Variants in NPRL3 observed in about 807,000 individuals in gnomAD.
NPRL3 encodes the protein GATOR1 complex protein NPRL3.
NPRL3 carries 23 observed loss-of-function variants against 57.2 expected under a neutral mutation model. The ratio of observed to expected loss-of-function variants is 0.40; its 90% CI spans 0.29 to 0.57. The LOEUF (loss-of-function observed/expected upper bound fraction) is 0.57, where lower values mean the gene tolerates loss of function less well. Among genes scored for constraint, NPRL3 ranks in the 20% least tolerant of loss-of-function variants. The pLI, the probability that NPRL3 is intolerant of heterozygous loss-of-function variation, is 0.42. For synonymous variants in NPRL3, 333 were observed against 321.1 expected (o/e 1.04, Z -0.39); for missense variants, 691 against 767.1 (o/e 0.90, Z 1.17).
chr16:123,572 C>A (rs1281086061), intron 3 of NPRL3: 1 of 469,812 alleles, frequency 2.1e-6, no homozygotes, highest in Non-Finnish European at 4.4e-6. Context: ...ACCATCAAGA[C>A]CAAACAAAAA....
chr16:118,247 G>C (rs1286580489), intron 4 of NPRL3, among the ~76,000 whole-genome samples: 2 of 152,226 alleles, frequency 1.3e-5, no homozygotes, highest in Non-Finnish European at 2.9e-5. Flanking sequence ...CAGAATCTTA[G>C]TAATGCCATC....
intron 10 of NPRL3, 97 bp from the exon 11 acceptor site, chr16:92,822 G>A: frequency 1.3e-6 from 2 of 1,526,962 alleles, no homozygotes; most frequent in Non-Finnish European, 1.8e-6. Flanking sequence ...AGTGTGGCAG[G>A]TGGGTCAGGA....
chr16:90,101 G>C (rs1194406787), intron 11 of NPRL3, 199 bp from the exon 12 acceptor site: 3 of 555,680 alleles, frequency 5.4e-6, no homozygotes, highest in African/African-American at 2.0e-5. Context: ...GGAAGGGAGA[G>C]GGGCCAGGGG....
At chr16:96,839 T>C (rs953111353) in intron 9 of NPRL3, among the ~76,000 whole-genome samples, 3 of 151,862 alleles carry the variant, frequency 2.0e-5, no homozygotes, top group African/African-American at 7.3e-5. Flanking sequence ...TCACAGAGGA[T>C]AGATAAAGGG....
rs1240111226 is a variant in NPRL3, at chr16:86,579, C to G, written c.*126G>C. On this transcript the variant is annotated 3_prime_UTR_variant, in exon 14 of 14. Transcript: ENST00000611875. ...CAGGCTTCACTGGGCCACGGCCAGC[C>G]CGCATCCACCCAATGCCAGGCCTCA... The G allele has an allele frequency of 2.0e-6, 2 of 985,792 alleles. No homozygotes were observed. Among genetic ancestry groups the G allele is most frequent in the African/African-American group, 3.3e-5 (2 of 61,256 alleles). The allele number at this position is 985,792 out of a possible 1,614,324, so 61.1% of individuals were successfully genotyped here. A position where few individuals can be genotyped will look rare whatever the true frequency, so the allele number is the denominator to read the frequency against.
At chr16:134,835 G>A (rs1268492610) in intron 2 of NPRL3, among the ~76,000 whole-genome samples, 3 of 150,546 alleles carry the variant, frequency 2.0e-5, no homozygotes, top group African/African-American at 7.3e-5. Flanking sequence ...CCGAGTAGCT[G>A]GGACTACAGG....
chr16:85,658 G>A lies in NPRL3; in HGVS notation c.*1047C>T. On this transcript the variant is annotated 3_prime_UTR_variant, in exon 14 of 14. Coordinates refer to ENST00000611875, the MANE Select transcript of NPRL3 (RefSeq NM_001077350.3). The stretch of plus-strand genomic sequence containing the variant: ...CAGTGAGCCGGCTGTAGTGGCAGCA[G>A]CCCGGGTGGGCGTCGGCCATGCAGG... 6.3e-7 allele frequency: 1 copy of A among 1,584,916 alleles called. No homozygotes were observed. The highest frequency in any genetic ancestry group is 8.6e-7 in the Non-Finnish European group (1 of 1,161,452).
At position 97,410 on chromosome 16, in the gene NPRL3, ATT is replaced by A. The variant is rs34410203; in HGVS notation, c.924+733_924+734del. Among the ~76,000 whole-genome samples the A allele has an allele frequency of 5.6e-3, 642 of 115,074 alleles. 2 individuals carry two copies. The highest frequency in any genetic ancestry group is 0.018 in the African/African-American group (533 of 29,746). 75.5% of individuals were successfully genotyped at this position (115,074 alleles called of 152,430 possible). ...CAGGTGCACGCCACCACACCCAGCT[ATT>A]TTTTTTTTTTTTTTTTTTGTATTTT... On this transcript the variant is annotated intron_variant, in intron 9 of 13. Transcript: ENST00000611875.
In NPRL3 at chr16:130,607, AAG is replaced by A; in HGVS notation, c.119-18_119-17del. 6.4e-7 allele frequency: 1 copy of A among 1,552,408 alleles called. No homozygotes were observed. Among genetic ancestry groups the A allele is most frequent in the African/African-American group, 1.4e-5 (1 of 73,244 alleles). On this transcript the variant is annotated splice_polypyrimidine_tract_variant and intron_variant, in intron 2 of 13. Coordinates refer to ENST00000611875, the MANE Select transcript of NPRL3 (RefSeq NM_001077350.3). The stretch of plus-strand genomic sequence containing the variant: ...CGCGGCTTACCTGAGTCGGGGCGAA[AAG>A]AGGGGAAGGGCTAAGAAAACAGGGT...
Position 138,280 on chromosome 16 carries a change from C to T in NPRL3, c.-13G>A, listed in dbSNP as rs1901215059. 1 of 1,582,028 alleles carries T rather than the reference C, an allele frequency of 6.3e-7. No homozygotes were observed. Among genetic ancestry groups the T allele is most frequent in the African/African-American group, 1.4e-5 (1 of 73,274 alleles). On this transcript the variant is annotated 5_prime_UTR_variant, in exon 2 of 14. Coordinates refer to ENST00000611875, the MANE Select transcript of NPRL3 (RefSeq NM_001077350.3). ...TGTTGTCCCGCATCCCGCCGTGGGG[C>T]CGGGGCCGGGGGCGGAGGGGGCCAG...
rs536798948 is a variant in NPRL3 at position 100,708 on chromosome 16, G to T, written c.630-199C>A. Among the ~76,000 whole-genome samples, 1,217 of 68,330 alleles carry T rather than the reference G, an allele frequency of 0.018. 11 individuals carry two copies. Among genetic ancestry groups the T allele is most frequent in the African/African-American group, 0.029 (824 of 27,938 alleles). The allele number at this position is 68,330 out of a possible 152,430, so 44.8% of individuals were successfully genotyped here. ...ATGGGGGCCGGGCACGGTGGCTCAT[G>T]CCTGTAATCCCAGCACTTTGGGAGG... On this transcript the variant is annotated intron_variant, in intron 7 of 13. Coordinates refer to ENST00000611875, the MANE Select transcript of NPRL3 (RefSeq NM_001077350.3).
rs1259146348 is a variant in NPRL3 at position 100,780 on chromosome 16, T to C, written c.630-271A>G. ...GTCAGCAGTTCGAGACCAGCCTGGC[T>C]AATAACACGGTGAAACCCCGTCTCT... On this transcript the variant is annotated intron_variant, in intron 7 of 13. Transcript: ENST00000611875. Among the ~76,000 whole-genome samples the C allele has an allele frequency of 0.014, 23 of 1,628 alleles. No individual in the cohort carries two copies. The African/African-American group carries it at 0.15, about 11-fold the overall frequency. The allele number at this position is 1,628 out of a possible 152,430, so 1.1% of individuals were successfully genotyped here.
intron 5 of NPRL3, among the ~76,000 whole-genome samples, chr16:116,810 A>G (rs2141956673): frequency 9.6e-6 from 1 of 103,878 alleles, no homozygotes; most frequent in Middle Eastern, 5.6e-3. Flanking sequence ...ACCGATCTCT[A>G]CTAAAAATAC....
intron 6 of NPRL3, among the ~76,000 whole-genome samples, chr16:111,894 A>G (rs1459191245): frequency 6.6e-6 from 1 of 152,166 alleles, no homozygotes; most frequent in African/African-American, 2.4e-5. Flanking sequence ...CTCTTTTGTT[A>G]TAGAGGTGCT....
rs186666081 is a variant in NPRL3, at chr16:130,296, C to T, written c.188+226G>A. On this transcript the variant is annotated intron_variant, in intron 3 of 13. Coordinates refer to ENST00000611875, the MANE Select transcript of NPRL3 (RefSeq NM_001077350.3). ...CTCATCTGTGCTCTGACCTGCTTCA[C>T]CCACCAGACAAGCCTGAAGCTGGAA... 2.0e-5 allele frequency among the ~76,000 whole-genome samples: 3 copies of T among 152,326 alleles called. No individual in the cohort carries two copies. In the East Asian group the frequency reaches 5.8e-4, roughly 29 times the overall value.
In NPRL3 at chr16:85,773, C is replaced by A; in HGVS notation, c.*932G>T. ...AGAGTGGCTGAGCAGGACACACAGGCCTGAGCAAAGGGCCTGCCCAGACAA... is the reference window on the plus strand; with the variant it reads ...AGAGTGGCTGAGCAGGACACACAGGACTGAGCAAAGGGCCTGCCCAGACAA... On this transcript the variant is annotated 3_prime_UTR_variant, in exon 14 of 14. Coordinates refer to ENST00000611875, the MANE Select transcript of NPRL3 (RefSeq NM_001077350.3). 6.7e-7 allele frequency: 1 copy of A among 1,497,504 alleles called. No homozygotes were observed. The highest frequency in any genetic ancestry group is 8.9e-7 in the Non-Finnish European group (1 of 1,122,414). The allele number at this position is 1,497,504 out of a possible 1,614,324, so 92.8% of individuals were successfully genotyped here. A position where few individuals can be genotyped will look rare whatever the true frequency, so the allele number is the denominator to read the frequency against.
chr16:135,467 G>C (rs1901027115), intron 2 of NPRL3, among the ~76,000 whole-genome samples: 1 of 152,058 alleles, frequency 6.6e-6, no homozygotes, highest in Non-Finnish European at 1.5e-5. Context: ...AAATTAGCCA[G>C]GCGTGGTGGC....
intron 3 of NPRL3, chr16:127,341 C>T (rs1424330691): frequency 1.3e-5 from 2 of 150,378 alleles, no homozygotes; most frequent in Non-Finnish European, 2.9e-5. Context: ...GCTCCATGTC[C>T]TGGGCTCCCT....
rs2299668 is a variant in NPRL3 at position 100,744 on chromosome 16, C to T, written c.630-235G>A. Among the ~76,000 whole-genome samples the T allele has an allele frequency of 0.86, 127,023 of 147,696 alleles. 54,673 individuals carry two copies. The highest frequency in any genetic ancestry group is 0.9 in the Admixed American group (13,247 of 14,776). On this transcript the variant is annotated intron_variant, in intron 7 of 13. Coordinates refer to ENST00000611875, the MANE Select transcript of NPRL3 (RefSeq NM_001077350.3). Reference sequence around the variant, plus strand: ...CAGCACTTTGGGAGGCCAAGGTGGGCGGATCACGAGGTCAGCAGTTCGAGA... The same window carrying T: ...CAGCACTTTGGGAGGCCAAGGTGGGTGGATCACGAGGTCAGCAGTTCGAGA...
Sources: allele counts gnomAD v4.1 joint callset (sites outside exome capture counted in the v4.1 genomes callset), GRCh38; gene constraint gnomAD v4.1.1; transcripts MANE v1.5; gene names NCBI Gene and HGNC (gene_info 2026-07-23, HGNC 2026-07-21).